The following NEK1 variants were observed in gnomAD, a reference collection of about 807,000 sequenced individuals.
The protein encoded by NEK1 is serine/threonine-protein kinase Nek1.
In NEK1, 137 loss-of-function variants were observed where a neutral mutation model predicts 182.1. The ratio of observed to expected loss-of-function variants is 0.75; its 90% confidence interval spans 0.65 to 0.87. The LOEUF (loss-of-function observed/expected upper bound fraction) is 0.87, where lower values mean the gene tolerates loss of function less well. Ranked by LOEUF, NEK1 falls within the 40% of genes least tolerant of loss-of-function variation. NEK1 has a pLI of 0.00. For missense variants in NEK1, 1,391 were observed against 1,494.4 expected (o/e 0.93, Z 1.14); for synonymous variants, 513 against 492.2 (o/e 1.04, Z -0.56).
At chr4:169,532,462 T>C (rs1757820055) in intron 19 of NEK1, among the ~76,000 whole-genome samples, 1 of 152,164 alleles carries the variant, frequency 6.6e-6, no homozygotes, top group South Asian at 2.1e-4. Context: ...TAATGTAAAC[T>C]ATGGACTTTG....
At chr4:169,573,936 G>C (rs1765274525) in intron 12 of NEK1, among the ~76,000 whole-genome samples, 1 of 152,008 alleles carries the variant, frequency 6.6e-6, no homozygotes, top group African/African-American at 2.4e-5. Flanking sequence ...CAAGGCAAGA[G>C]CATTGCTTGA....
chr4:169,580,494 C>A (rs78000761), intron 11 of NEK1, among the ~76,000 whole-genome samples: 46 of 65,810 alleles, frequency 7.0e-4, no homozygotes, highest in East Asian at 1.8e-3. Context: ...AACTTCATCT[C>A]AAAAAAAAAA....
intron 23 of NEK1, among the ~76,000 whole-genome samples, chr4:169,502,928 A>C (rs945498815): frequency 6.6e-6 from 1 of 152,164 alleles, no homozygotes; most frequent in Non-Finnish European, 1.5e-5. Flanking sequence ...ATAGGAAAAG[A>C]GAAAGTCAAA....
intron 31 of NEK1, among the ~76,000 whole-genome samples, chr4:169,410,548 A>C (rs1198663263): frequency 6.6e-6 from 1 of 152,170 alleles, no homozygotes; most frequent in East Asian, 1.9e-4. Flanking sequence ...ACTGCAATTA[A>C]ATGCTGCTGC....
At chr4:169,440,765 G>A (rs1739293375) in intron 27 of NEK1, among the ~76,000 whole-genome samples, 1 of 152,188 alleles carries the variant, frequency 6.6e-6, no homozygotes, top group Non-Finnish European at 1.5e-5. Context: ...ACTCCTGCAA[G>A]CCTAGCCATG....
intron 23 of NEK1, among the ~76,000 whole-genome samples, chr4:169,481,172 C>T (rs1268826901): frequency 6.6e-6 from 1 of 150,984 alleles, no homozygotes; most frequent in East Asian, 2.0e-4. Context: ...TGCCATTCTA[C>T]TTCTCTTGCT....
chr4:169,578,771 G>C (rs146806313), intron 11 of NEK1, among the ~76,000 whole-genome samples: 1 of 151,972 alleles, frequency 6.6e-6, no homozygotes, highest in Non-Finnish European at 1.5e-5. Flanking sequence ...CCATTAAGTC[G>C]GCATTTTAGA....
intron 2 of NEK1, among the ~76,000 whole-genome samples, chr4:169,603,877 TGTATTTTTA>T (rs1397430829): frequency 6.6e-6 from 1 of 152,106 alleles, no homozygotes; most frequent in Non-Finnish European, 1.5e-5. Flanking sequence ...AGCTAATTTT[TGTATTTTTA>T]GTAGAGACGG....
chr4:169,438,017 T>C, intron 28 of NEK1, 66 bp downstream of exon 28: 2 of 1,232,408 alleles, frequency 1.6e-6, no homozygotes, highest in Middle Eastern at 1.9e-4. Flanking sequence ...AATCTGTTTA[T>C]AAAGCTTGTG....
chr4:169,569,232 T>A (rs1764223779), intron 12 of NEK1, among the ~76,000 whole-genome samples: 1 of 152,190 alleles, frequency 6.6e-6, no homozygotes, highest in African/African-American at 2.4e-5. Flanking sequence ...TTCTAGAGCT[T>A]CCTTTTCATT....
At chr4:169,417,542 G>A (rs1003015460) in intron 31 of NEK1, among the ~76,000 whole-genome samples, 3 of 152,192 alleles carry the variant, frequency 2.0e-5, no homozygotes, top group African/African-American at 7.2e-5. Context: ...GAAAGAACTA[G>A]AGTAATAAAG....
At chr4:169,571,776 T>TGG (rs1764894512) in intron 12 of NEK1, among the ~76,000 whole-genome samples, 1 of 152,108 alleles carries the variant, frequency 6.6e-6, no homozygotes, top group Non-Finnish European at 1.5e-5. Context: ...GTCTCCAGGC[T>TGG]GGAGGGCAGT....
chr4:169,576,742 T>G, intron 12 of NEK1, 186 bp downstream of exon 12: 1 of 498,776 alleles, frequency 2.0e-6, no homozygotes, highest in Non-Finnish European at 3.5e-6. Context: ...ATATATTTAC[T>G]TAATGACTTT....
At chr4:169,413,024 C>T (rs1733933881) in intron 31 of NEK1, among the ~76,000 whole-genome samples, 1 of 152,024 alleles carries the variant, frequency 6.6e-6, no homozygotes, top group South Asian at 2.1e-4. Context: ...ACTTTTCAGA[C>T]TGTTCTGATT....
intron 12 of NEK1, among the ~76,000 whole-genome samples, chr4:169,566,619 GAAT>G (rs1763723887): frequency 6.6e-6 from 1 of 152,118 alleles, no homozygotes; most frequent in South Asian, 2.1e-4. Context: ...TGGACAGGTT[GAAT>G]AATAACAACT....
rs1212235580 is a variant in NEK1, at chr4:169,564,836, T to C, written c.1021-2640A>G. Among the ~76,000 whole-genome samples the C allele has an allele frequency of 3.9e-5, 6 of 152,298 alleles. No homozygotes were observed. In the East Asian group the frequency reaches 1.2e-3, roughly 29 times the overall value. On this transcript the variant is annotated intron_variant, in intron 12 of 35. Transcript: ENST00000507142. The stretch of plus-strand genomic sequence containing the variant: ...TTATAAATGATAATAATGAGTCTTT[T>C]GTAATGTGCTTTGGCATTTTAATTA...
At chr4:169,439,268 C>G (rs1197641917) in intron 27 of NEK1, among the ~76,000 whole-genome samples, 1 of 152,190 alleles carries the variant, frequency 6.6e-6, no homozygotes. Flanking sequence ...TTCATTGTTT[C>G]TAAAGCCAAG....
intron 32 of NEK1, among the ~76,000 whole-genome samples, chr4:169,403,681 C>T (rs971873359): frequency 6.6e-6 from 1 of 151,944 alleles, no homozygotes; most frequent in African/African-American, 2.4e-5. Context: ...TAGTGGCTGG[C>T]CTAGAGGAAT....
chr4:169,408,119 A>T (rs756978556), intron 31 of NEK1, among the ~76,000 whole-genome samples: 10 of 152,332 alleles, frequency 6.6e-5, no homozygotes, highest in Non-Finnish European at 1.5e-4. Context: ...GCTAATCAAT[A>T]AACAGCACAT....
Sources: gnomAD v4.1 joint callset for allele counts (sites outside exome capture counted in the v4.1 genomes callset) on GRCh38, gnomAD v4.1.1 for gene constraint, MANE v1.5 for transcripts, NCBI Gene and HGNC (gene_info 2026-07-23, HGNC 2026-07-21) for gene names.